The following OXR1 variants were observed in gnomAD, a reference collection of about 807,000 sequenced individuals.
OXR1 encodes oxidation resistance protein 1.
OXR1 carries 41 observed loss-of-function variants against 104.6 expected under a neutral mutation model. The observed-to-expected ratio is 0.39, with a 90% CI of 0.31 to 0.51. The LOEUF (loss-of-function observed/expected upper bound fraction) is 0.51, where lower values mean the gene tolerates loss of function less well. Ranked by LOEUF, OXR1 falls within the 20% of genes least tolerant of loss-of-function variation. The pLI, the probability that OXR1 is intolerant of heterozygous loss-of-function variation, is 0.77. For missense variants in OXR1, 955 were observed against 1,031.9 expected, an observed-to-expected ratio of 0.93 and a Z score of 1.02; for synonymous variants, 348 against 348.4, an observed-to-expected ratio of 1.00 and a Z score of 0.01.
chr8:106,717,231 G>T (rs1014839185), intron 11 of OXR1, among the ~76,000 whole-genome samples: 1 of 152,056 alleles, frequency 6.6e-6, no homozygotes, highest in Non-Finnish European at 1.5e-5. Flanking sequence ...AAACTAATGA[G>T]TACTCATTTA....
At chr8:106,426,385 A>AAGTACTAT (rs1428353533) in intron 2 of OXR1, among the ~76,000 whole-genome samples, 1 of 152,066 alleles carries the variant, frequency 6.6e-6, no homozygotes, top group Non-Finnish European at 1.5e-5. Flanking sequence ...GAAAGATCAT[A>AAGTACTAT]ACCGAATCTA....
chr8:106,590,275 TTTGTTG>T (rs537746922), intron 3 of OXR1, among the ~76,000 whole-genome samples: 311 of 151,866 alleles, frequency 2.0e-3, no homozygotes, highest in African/African-American at 7.0e-3. Flanking sequence ...GTTTTTGGTT[TTTGTTG>T]TTGTTGTTGT....
chr8:106,419,811 T>C (rs1413416565), intron 2 of OXR1, among the ~76,000 whole-genome samples: 1 of 152,176 alleles, frequency 6.6e-6, no homozygotes, highest in East Asian at 1.9e-4. Flanking sequence ...GAATTAGATA[T>C]AACTCGTAAC....
intron 3 of OXR1, among the ~76,000 whole-genome samples, chr8:106,548,826 T>C (rs952526977): frequency 6.6e-6 from 1 of 152,212 alleles, no homozygotes; most frequent in Non-Finnish European, 1.5e-5. Flanking sequence ...GTTCTCAAAA[T>C]ATTTGGGAAT....
At chr8:106,408,305 T>G (rs192303693) in intron 2 of OXR1, among the ~76,000 whole-genome samples, 3 of 149,286 alleles carry the variant, frequency 2.0e-5, no homozygotes, top group East Asian at 2.0e-4. Flanking sequence ...CAAAGGTGTG[T>G]TTTTTTTTTC....
chr8:106,375,089 A>T (rs931300911), intron 2 of OXR1, among the ~76,000 whole-genome samples: 9 of 152,192 alleles, frequency 5.9e-5, no homozygotes, highest in African/African-American at 2.2e-4. Context: ...TTTCACTTAG[A>T]TATTTTTCCC....
intron 1 of OXR1, among the ~76,000 whole-genome samples, chr8:106,358,440 A>G (rs573438849): frequency 6.6e-6 from 1 of 152,330 alleles, no homozygotes; most frequent in South Asian, 2.1e-4. Flanking sequence ...GTGCTCCCAC[A>G]TGCCCTGTAT....
chr8:106,291,655 G>A (rs959871806), intron 1 of OXR1, among the ~76,000 whole-genome samples: 3 of 152,086 alleles, frequency 2.0e-5, no homozygotes, highest in African/African-American at 7.2e-5. Context: ...CATTCTGAGT[G>A]GTATGCATAT....
intron 3 of OXR1, among the ~76,000 whole-genome samples, chr8:106,614,777 A>G (rs557604752): frequency 6.6e-6 from 1 of 152,322 alleles, no homozygotes; most frequent in Non-Finnish European, 1.5e-5. Flanking sequence ...TTATATACAT[A>G]CTGTCATATG....
At chr8:106,500,666 T>C (rs527973240) in intron 2 of OXR1, among the ~76,000 whole-genome samples, 2 of 152,332 alleles carry the variant, frequency 1.3e-5, no homozygotes, top group South Asian at 4.1e-4. Flanking sequence ...CTACAATACA[T>C]TGAAGCGTTA....
chr8:106,549,409 T>G (rs1586794766), intron 3 of OXR1, among the ~76,000 whole-genome samples: 1 of 152,186 alleles, frequency 6.6e-6, no homozygotes, highest in East Asian at 1.9e-4. Context: ...GAATAAATAT[T>G]GAATATTAGC....
intron 3 of OXR1, among the ~76,000 whole-genome samples, chr8:106,555,839 A>AGT (rs1297928035): frequency 1.3e-5 from 2 of 150,376 alleles, no homozygotes; most frequent in Admixed American, 1.3e-4. Context: ...GACAAATTAT[A>AGT]GTGTGTGTGT....
chr8:106,705,976 T>G (rs1831108565), intron 8 of OXR1, among the ~76,000 whole-genome samples: 1 of 152,128 alleles, frequency 6.6e-6, no homozygotes, highest in Non-Finnish European at 1.5e-5. Flanking sequence ...TATTTTTACT[T>G]TATTGGGAGA....
At chr8:106,313,130 C>CT (rs1813778385) in intron 1 of OXR1, among the ~76,000 whole-genome samples, 1 of 151,850 alleles carries the variant, frequency 6.6e-6, no homozygotes, top group Non-Finnish European at 1.5e-5. Context: ...TCCTAATACT[C>CT]TAAGTAGTCA....
intron 1 of OXR1, among the ~76,000 whole-genome samples, chr8:106,344,273 A>T (rs577437966): frequency 1.3e-5 from 2 of 152,262 alleles, no homozygotes; most frequent in East Asian, 3.9e-4. Flanking sequence ...TTTCTCTCCT[A>T]ATCCCTCCAC....
intron 3 of OXR1, among the ~76,000 whole-genome samples, chr8:106,586,883 C>T (rs1818670310): frequency 6.6e-6 from 1 of 152,052 alleles, no homozygotes; most frequent in African/African-American, 2.4e-5. Context: ...CAGTTCAGTG[C>T]AGTGGTGGGT....
At chr8:106,276,593 G>A (rs142705579) in intron 1 of OXR1, among the ~76,000 whole-genome samples, 3 of 152,090 alleles carry the variant, frequency 2.0e-5, no homozygotes, top group Admixed American at 2.0e-4. Context: ...CATCATTTCA[G>A]CTTAGTTTAC....
intron 2 of OXR1, among the ~76,000 whole-genome samples, chr8:106,422,223 G>A (rs1372364452): frequency 6.6e-6 from 1 of 152,060 alleles, no homozygotes; most frequent in Non-Finnish European, 1.5e-5. Flanking sequence ...AATTAAGGAG[G>A]AAACGTGCTA....
chr8:106,490,672 A>G (rs1035337334), intron 2 of OXR1, among the ~76,000 whole-genome samples: 2 of 152,106 alleles, frequency 1.3e-5, no homozygotes, highest in Non-Finnish European at 2.9e-5. Flanking sequence ...AGCTGGATGC[A>G]CTATTTTAAA....
Sources: gnomAD v4.1 joint callset for allele counts (sites outside exome capture counted in the v4.1 genomes callset) on GRCh38, gnomAD v4.1.1 for gene constraint, MANE v1.5 for transcripts, NCBI Gene and HGNC (gene_info 2026-07-23, HGNC 2026-07-21) for gene names.